The following PPHLN1 variants were observed in gnomAD, a reference collection of about 807,000 sequenced individuals.
PPHLN1 encodes periphilin 1, also known as periphilin-1.
Under a neutral mutation model 51.3 loss-of-function variants are expected in PPHLN1, and 29 were observed. The ratio of observed to expected loss-of-function variants is 0.57; its 90% confidence interval spans 0.42 to 0.77. The LOEUF is 0.77. PPHLN1 is among the 30% of genes least tolerant of loss of function. The pLI is 0.00. For synonymous variants in PPHLN1, 147 were observed against 147.8 expected (o/e 0.99, Z 0.04); for missense variants, 436 against 438.4 (o/e 0.99, Z 0.05).
At chr12:42,351,131 T>C (rs919737291) in intron 2 of PPHLN1, among the ~76,000 whole-genome samples, 1 of 152,196 alleles carries the variant, frequency 6.6e-6, no homozygotes, top group Admixed American at 6.5e-5. Context: ...TTGATTGATG[T>C]GTCATGAATG....
At chr12:42,388,652 G>A (rs1426520131) in intron 7 of PPHLN1, among the ~76,000 whole-genome samples, 8 of 152,094 alleles carry the variant, frequency 5.3e-5, no homozygotes, top group Admixed American at 5.2e-4. Context: ...TCTTTTCTCA[G>A]TCTCTCGTCC....
chr12:42,360,455 A>ATTT (rs1565821205), intron 4 of PPHLN1, among the ~76,000 whole-genome samples: 2 of 111,808 alleles, frequency 1.8e-5, no homozygotes, highest in African/African-American at 7.7e-5. Flanking sequence ...GTGATGCTGA[A>ATTT]TTCTTTTTTT....
chr12:42,338,824 T>C (rs912305390), intron 2 of PPHLN1, among the ~76,000 whole-genome samples: 72 of 152,364 alleles, frequency 4.7e-4, no homozygotes, highest in African/African-American at 1.7e-3. Flanking sequence ...GGGTGTGATG[T>C]GGACCTCAGT....
At chr12:42,406,712 G>GATTTTTTTTC (rs2079348333) in intron 9 of PPHLN1, among the ~76,000 whole-genome samples, 1 of 151,534 alleles carries the variant, frequency 6.6e-6, no homozygotes, top group Non-Finnish European at 1.5e-5. Flanking sequence ...CCCATTTTGT[G>GATTTTTTTTC]GCATTCTTTT....
intron 9 of PPHLN1, among the ~76,000 whole-genome samples, chr12:42,401,762 A>G (rs1182337323): frequency 6.6e-6 from 1 of 152,186 alleles, no homozygotes; most frequent in African/African-American, 2.4e-5. Flanking sequence ...AGCTGATTAT[A>G]TATTCATCAG....
intron 9 of PPHLN1, among the ~76,000 whole-genome samples, chr12:42,417,387 C>T (rs1389281304): frequency 6.6e-6 from 1 of 151,752 alleles, no homozygotes; most frequent in Non-Finnish European, 1.5e-5. Flanking sequence ...GGGAAAGAGG[C>T]AGTTTTGCTA....
intron 7 of PPHLN1, among the ~76,000 whole-genome samples, chr12:42,388,047 G>T (rs1331040735): frequency 1.3e-5 from 2 of 152,216 alleles, no homozygotes; most frequent in Non-Finnish European, 2.9e-5. Context: ...GGAAAGCCAG[G>T]TATTGTCCAA....
Position 42,442,059 on chromosome 12 carries a change from C to G in PPHLN1, c.*550C>G. On this transcript the variant is annotated 3_prime_UTR_variant, in exon 10 of 10. Transcript: ENST00000358314. ...AAAATCCGTTTTTCCAAGTAATGAACTCAGTGTCTTCTATTACAATAATCC... is the reference window on the plus strand; with the variant it reads ...AAAATCCGTTTTTCCAAGTAATGAAGTCAGTGTCTTCTATTACAATAATCC... The G allele has an allele frequency of 1.4e-6, 1 of 728,834 alleles. No homozygotes were observed. The highest frequency in any genetic ancestry group is 1.9e-5 in the African/African-American group (1 of 52,048). 45.1% of individuals were successfully genotyped at this position (728,834 alleles called of 1,614,324 possible). A position where few individuals can be genotyped will look rare whatever the true frequency, so the allele number is the denominator to read the frequency against.
downstream of PPHLN1, chr12:42,445,687 G>A (rs769963916): frequency 7.8e-5 from 22 of 280,480 alleles, no homozygotes; most frequent in Non-Finnish European, 8.0e-5. Flanking sequence ...AACCCCCAAG[G>A]ACAGGCCGTA....
In PPHLN1 at chr12:42,441,991, T is replaced by C. The variant is rs1327967603; in HGVS notation, c.*482T>C. ...TGCTTTGAGAGTAATTCTCATTCAATGATAAAATAGAGCACTTAAATCTCT... is the reference window on the plus strand; with the variant it reads ...TGCTTTGAGAGTAATTCTCATTCAACGATAAAATAGAGCACTTAAATCTCT... On this transcript the variant is annotated 3_prime_UTR_variant, in exon 10 of 10. Transcript: ENST00000358314. 5.2e-6 allele frequency: 5 copies of C among 963,452 alleles called. No individual in the cohort carries two copies. Among genetic ancestry groups the C allele is most frequent in the Non-Finnish European group, 6.2e-6 (5 of 809,770 alleles). 59.7% of individuals were successfully genotyped at this position (963,452 alleles called of 1,614,324 possible).
At chr12:42,427,007 C>T (rs1158273141) in intron 9 of PPHLN1, among the ~76,000 whole-genome samples, 1 of 151,166 alleles carries the variant, frequency 6.6e-6, no homozygotes, top group African/African-American at 2.4e-5. Flanking sequence ...GTGGATCTCG[C>T]GCCGTGCAGG....
intron 9 of PPHLN1, among the ~76,000 whole-genome samples, chr12:42,421,633 C>T (rs541378735): frequency 1.3e-5 from 2 of 152,238 alleles, no homozygotes; most frequent in South Asian, 4.1e-4. Flanking sequence ...CAAGCATGAG[C>T]CATTACGCTG....
At chr12:42,337,777 T>TTTTATTTTATTTTATTTA (rs759818493) in intron 2 of PPHLN1, among the ~76,000 whole-genome samples, 7 of 140,446 alleles carry the variant, frequency 5.0e-5, no homozygotes, top group South Asian at 4.5e-4. Flanking sequence ...TTTTATTTTA[T>TTTTATTTTATTTTATTTA]TTTATTTATT....
intron 5 of PPHLN1, among the ~76,000 whole-genome samples, chr12:42,383,983 CAAAAAAAAAAA>C (rs61016692): frequency 3.9e-4 from 20 of 51,640 alleles, no homozygotes; most frequent in South Asian, 1.2e-3. Context: ...GACTGTGTCT[CAAAAAAAAAAA>C]AAAAAAAAAA....
At chr12:42,399,421 G>A (rs2078584583) in intron 9 of PPHLN1, 20 of 926,710 alleles carry the variant, frequency 2.2e-5, no homozygotes, top group Non-Finnish European at 2.6e-5. Flanking sequence ...TACTATTTAA[G>A]TCTAGTTTTT....
chr12:42,384,909 T>C, intron 5 of PPHLN1, 31 bp from the exon 6 acceptor site: 2 of 1,564,666 alleles, frequency 1.3e-6, no homozygotes, highest in Non-Finnish European at 1.8e-6. Flanking sequence ...GAGGTGCTGC[T>C]GTTAATTCCT....
At chr12:42,425,274 A>C (rs1411074279) in intron 9 of PPHLN1, among the ~76,000 whole-genome samples, 1 of 65,356 alleles carries the variant, frequency 1.5e-5, no homozygotes, top group Non-Finnish European at 3.1e-5. Context: ...TTGTATTTTT[A>C]GTAGAGACAG....
intron 9 of PPHLN1, among the ~76,000 whole-genome samples, chr12:42,402,135 G>A (rs2078901595): frequency 6.6e-6 from 1 of 152,092 alleles, no homozygotes; most frequent in Non-Finnish European, 1.5e-5. Flanking sequence ...CACCGCACCC[G>A]GCCCATTCTG....
In PPHLN1 at chr12:42,427,038, C is replaced by CT. The variant is rs1222297895; in HGVS notation, c.910-14270dup. Among the ~76,000 whole-genome samples, 7 of 152,210 alleles carry CT rather than the reference C, an allele frequency of 4.6e-5. No individual in the cohort carries two copies. The East Asian group carries it at 5.8e-4, about 13-fold the overall frequency. ...GCAGGTTTCTCAAACCAATGTAAGA[C>CT]TTTTTTTCACTTCGAGAACTGGCTG... On this transcript the variant is annotated intron_variant, in intron 9 of 9. Transcript: ENST00000358314.
Sources: allele counts gnomAD v4.1 joint callset (sites outside exome capture counted in the v4.1 genomes callset), GRCh38; gene constraint gnomAD v4.1.1; transcripts MANE v1.5; gene names NCBI Gene and HGNC (gene_info 2026-07-23, HGNC 2026-07-21).